Variants in RHOJ observed in about 807,000 individuals in gnomAD.
The protein encoded by RHOJ is rho-related GTP-binding protein RhoJ.
In RHOJ, 11 loss-of-function variants were observed where a neutral mutation model predicts 23.4. That is an observed-to-expected ratio of 0.47 (90% CI 0.30 to 0.78). RHOJ has a LOEUF of 0.78. Among genes scored for constraint, RHOJ ranks in the 30% least tolerant of loss-of-function variants. The probability of loss-of-function intolerance (pLI) is 0.08; values close to 1 mark genes in which losing one functional copy is unlikely to be tolerated. For synonymous variants in RHOJ, 102 were observed against 102.7 expected, an observed-to-expected ratio of 0.99 and a Z score of 0.04; for missense variants, 254 against 273.4, an observed-to-expected ratio of 0.93 and a Z score of 0.50.
rs1882275543 is a variant in RHOJ at position 63,292,230 on chromosome 14, C to T, written c.*1206C>T. On this transcript the variant is annotated 3_prime_UTR_variant, in exon 5 of 5. Coordinates refer to ENST00000316754, the MANE Select transcript of RHOJ (RefSeq NM_020663.5). ...TTTGCCTCTCTCTTTCCTTACTCAT[C>T]CTCCCAAATGTCTTTGTGGGAGCCA... 1 of 152,146 alleles carries T rather than the reference C, an allele frequency of 6.6e-6. No homozygotes were observed. The highest frequency in any genetic ancestry group is 2.4e-5 in the African/African-American group (1 of 41,424). The allele number at this position is 152,146 out of a possible 1,614,324, so 9.4% of individuals were successfully genotyped here.
chr14:63,278,980 C>T (rs1490083644), intron 2 of RHOJ, among the ~76,000 whole-genome samples: 1 of 152,128 alleles, frequency 6.6e-6, no homozygotes, highest in Non-Finnish European at 1.5e-5. Flanking sequence ...ATTGAGACTC[C>T]ATCTCAAATA....
intron 1 of RHOJ, 33 bp downstream of exon 1, chr14:63,205,080 A>C (rs1894079674): frequency 6.3e-7 from 1 of 1,596,866 alleles, no homozygotes; most frequent in African/African-American, 1.3e-5. Flanking sequence ...CTGCATCCAG[A>C]CAAACGATGC....
chr14:63,261,516 G>A (rs1895272208), intron 1 of RHOJ, among the ~76,000 whole-genome samples: 1 of 151,186 alleles, frequency 6.6e-6, no homozygotes, highest in South Asian at 2.1e-4. Flanking sequence ...CTGCAACCTT[G>A]ATCTCCTGGG....
chr14:63,214,709 G>A (rs1299069361), intron 1 of RHOJ, among the ~76,000 whole-genome samples: 2 of 152,130 alleles, frequency 1.3e-5, no homozygotes, highest in African/African-American at 2.4e-5. Context: ...AAGCCTCAGG[G>A]AGTCAGACTA....
rs1894060975 is a variant in RHOJ at position 63,204,445 on chromosome 14, T to G, written c.-425T>G. 5.8e-6 allele frequency: 1 copy of G among 172,866 alleles called. No individual in the cohort carries two copies. Among genetic ancestry groups the G allele is most frequent in the South Asian group, 1.3e-4 (1 of 7,422 alleles). The allele number at this position is 172,866 out of a possible 1,614,324, so 10.7% of individuals were successfully genotyped here. A position where few individuals can be genotyped will look rare whatever the true frequency, so the allele number is the denominator to read the frequency against. On this transcript the variant is annotated 5_prime_UTR_variant, in exon 1 of 5. The change creates a new upstream start codon in the 5' untranslated region. Transcript: ENST00000316754. ...GGAAGCAAAGGGAAAAAAACTCCAT[T>G]AAAAAGCCCAGCTTTCCTCCATGTT...
At chr14:63,217,270 ATG>A (rs1460971769) in intron 1 of RHOJ, among the ~76,000 whole-genome samples, 6 of 131,892 alleles carry the variant, frequency 4.5e-5, no homozygotes, top group Non-Finnish European at 9.5e-5. Context: ...CCAGAGTGTG[ATG>A]TTCCCCTTCC....
At chr14:63,225,015 C>G (rs925574511) in intron 1 of RHOJ, among the ~76,000 whole-genome samples, 2 of 149,534 alleles carry the variant, frequency 1.3e-5, no homozygotes, top group Non-Finnish European at 3.0e-5. Flanking sequence ...TGCAGTGGCA[C>G]GATCTCAGCT....
intron 1 of RHOJ, among the ~76,000 whole-genome samples, chr14:63,222,603 G>A (rs1447133644): frequency 6.6e-6 from 1 of 152,184 alleles, no homozygotes; most frequent in Non-Finnish European, 1.5e-5. Context: ...TCATGTGTCT[G>A]TTGGCTGTGT....
chr14:63,291,080 T>C lies in RHOJ; in HGVS notation c.*56T>C, dbSNP rs1326986559. 1 of 1,598,982 alleles carries C rather than the reference T, an allele frequency of 6.3e-7. No individual in the cohort carries two copies. The highest frequency in any genetic ancestry group is 1.1e-5 in the South Asian group (1 of 90,732). Reference sequence around the variant, plus strand: ...AGGGATGAGAATGGCAGCCAATCTCTGTGGCCAAGCTCCAGCCAAAAAGGA... The same window carrying C: ...AGGGATGAGAATGGCAGCCAATCTCCGTGGCCAAGCTCCAGCCAAAAAGGA... On this transcript the variant is annotated 3_prime_UTR_variant, in exon 5 of 5. Coordinates refer to ENST00000316754, the MANE Select transcript of RHOJ (RefSeq NM_020663.5).
chr14:63,247,806 T>C (rs1007661181), intron 1 of RHOJ, among the ~76,000 whole-genome samples: 28 of 152,288 alleles, frequency 1.8e-4, no homozygotes, highest in African/African-American at 6.3e-4. Flanking sequence ...TACCCAAGAC[T>C]GGGTAATTTA....
chr14:63,259,963 A>T (rs1325006541), intron 1 of RHOJ, among the ~76,000 whole-genome samples: 2 of 152,216 alleles, frequency 1.3e-5, no homozygotes, highest in Non-Finnish European at 2.9e-5. Flanking sequence ...ACAACCATGC[A>T]CCAAAGTAGA....
chr14:63,246,698 T>C (rs1894981408), intron 1 of RHOJ, among the ~76,000 whole-genome samples: 1 of 152,210 alleles, frequency 6.6e-6, no homozygotes, highest in African/African-American at 2.4e-5. Context: ...AATAAAATTT[T>C]CACAATTTTT....
chr14:63,252,698 C>T (rs1895093615), intron 1 of RHOJ, among the ~76,000 whole-genome samples: 1 of 152,140 alleles, frequency 6.6e-6, no homozygotes, highest in Non-Finnish European at 1.5e-5. Context: ...CTAGCCATCT[C>T]CTAATCTTCT....
At position 63,255,542 on chromosome 14, in the gene RHOJ, A is replaced by AACC. The variant is rs561499702; in HGVS notation, c.179-13555_179-13553dup. Among the ~76,000 whole-genome samples the AACC allele has an allele frequency of 1.4e-3, 220 of 151,928 alleles. 3 individuals carry two copies. Among genetic ancestry groups the AACC allele is most frequent in the African/African-American group, 5.1e-3 (212 of 41,362 alleles). ...GAAATAGAACCTTCACATTCACAAG[A>AACC]ACCACCACCACCACCCAGCCCCACC... On this transcript the variant is annotated intron_variant, in intron 1 of 4. Transcript: ENST00000316754.
chr14:63,280,630 T>C (rs564517213), intron 2 of RHOJ, among the ~76,000 whole-genome samples: 30 of 152,328 alleles, frequency 2.0e-4, no homozygotes, highest in South Asian at 8.3e-4. Flanking sequence ...AAACACCATG[T>C]TGTACACCTT....
Position 63,253,985 on chromosome 14 carries a change from T to C in RHOJ, c.179-15125T>C, listed in dbSNP as rs144649893. On this transcript the variant is annotated intron_variant, in intron 1 of 4. Transcript: ENST00000316754. ...CAGAGTCACTGCAGCTCTAGAACTG[T>C]CCCTGACAGTGTTCCCAGGCAGCAC... is the stretch of plus-strand genomic sequence containing the variant. 2.1e-3 allele frequency among the ~76,000 whole-genome samples: 320 copies of C among 152,286 alleles called. 1 individual carries two copies. Among genetic ancestry groups the C allele is most frequent in the African/African-American group, 7.1e-3 (297 of 41,556 alleles).
chr14:63,288,096 A>T, intron 4 of RHOJ: 1 of 844,372 alleles, frequency 1.2e-6, no homozygotes, highest in Non-Finnish European at 1.4e-6. Flanking sequence ...GACACCAATA[A>T]TCTGATGACT....
intron 1 of RHOJ, among the ~76,000 whole-genome samples, chr14:63,237,043 G>A (rs936741379): frequency 6.6e-6 from 1 of 152,130 alleles, no homozygotes; most frequent in Non-Finnish European, 1.5e-5. Context: ...AGATGCAATT[G>A]TCCCTTTTTT....
chr14:63,209,942 C>CT (rs1190681610), intron 1 of RHOJ, among the ~76,000 whole-genome samples: 17 of 146,602 alleles, frequency 1.2e-4, no homozygotes, highest in South Asian at 2.2e-4. Context: ...ATTGAATTTT[C>CT]TTTTTTTTTC....
Sources: allele counts gnomAD v4.1 joint callset (sites outside exome capture counted in the v4.1 genomes callset), GRCh38; gene constraint gnomAD v4.1.1; transcripts MANE v1.5; gene names NCBI Gene and HGNC (gene_info 2026-07-23, HGNC 2026-07-21).